Variants in ATP10B observed in about 807,000 individuals in gnomAD.
ATP10B encodes the protein ATPase phospholipid transporting 10B (putative), also known as phospholipid-transporting ATPase VB.
In ATP10B, 122 loss-of-function variants were observed where a neutral mutation model predicts 141.2. The observed-to-expected ratio is 0.86, with a 90% CI of 0.75 to 1.00. The LOEUF (loss-of-function observed/expected upper bound fraction) is 1.00, where lower values mean the gene tolerates loss of function less well. Ranked by LOEUF, ATP10B falls within the 50% of genes least tolerant of loss-of-function variation. The probability of loss-of-function intolerance (pLI) is 0.00; values close to 1 mark genes in which losing one functional copy is unlikely to be tolerated. For synonymous variants in ATP10B, 685 were observed against 692.0 expected (o/e 0.99, Z 0.16); for missense variants, 1,876 against 1,825.3 (o/e 1.03, Z -0.51).
At chr5:160,645,510 C>A (rs1760215553) in intron 8 of ATP10B, among the ~76,000 whole-genome samples, 1 of 152,168 alleles carries the variant, frequency 6.6e-6, no homozygotes, top group African/African-American at 2.4e-5. Context: ...CAGGAGTGGC[C>A]CTTTGCCCAA....
intron 2 of ATP10B, among the ~76,000 whole-genome samples, chr5:160,725,397 G>A (rs1355285545): frequency 6.6e-6 from 1 of 151,966 alleles, no homozygotes; most frequent in East Asian, 1.9e-4. Context: ...GGCAGTGCAT[G>A]AATGTTTCAT....
chr5:160,707,568 G>T (rs559733570), intron 3 of ATP10B, among the ~76,000 whole-genome samples: 2 of 152,158 alleles, frequency 1.3e-5, no homozygotes, highest in East Asian at 1.9e-4. Flanking sequence ...TGTAATATGC[G>T]CATGTTATGT....
At chr5:160,781,124 T>G (rs140854679) in intron 2 of ATP10B, among the ~76,000 whole-genome samples, 3 of 152,254 alleles carry the variant, frequency 2.0e-5, no homozygotes, top group East Asian at 1.9e-4. Flanking sequence ...CTCTCGAAAA[T>G]AAGAAGAAAT....
At chr5:160,913,259 T>C in the ATP10B span, among the ~76,000 whole-genome samples, 1 of 152,200 alleles carries the variant, frequency 6.6e-6, no homozygotes, top group Non-Finnish European at 1.5e-5. Flanking sequence ...TGAAACTCAG[T>C]AGGACCGGCT....
chr5:160,901,227 TTTC>T, the ATP10B span, among the ~76,000 whole-genome samples: 19 of 152,128 alleles, frequency 1.2e-4, no homozygotes, highest in Non-Finnish European at 5.9e-5. Flanking sequence ...CACTACCTCT[TTTC>T]TTCTTCTTCT....
chr5:160,883,624 C>T, the ATP10B span, among the ~76,000 whole-genome samples: 2 of 152,026 alleles, frequency 1.3e-5, no homozygotes, highest in South Asian at 2.1e-4. Context: ...CTTAGTTTAT[C>T]ACGTTTATAA....
chr5:160,729,598 A>G (rs1311538035), intron 2 of ATP10B, among the ~76,000 whole-genome samples: 2 of 152,230 alleles, frequency 1.3e-5, no homozygotes, highest in African/African-American at 4.8e-5. Flanking sequence ...TGAATTCAGG[A>G]GGTGACAACG....
chr5:160,717,130 T>C, intron 2 of ATP10B, 96 bp from the exon 3 acceptor site: 1 of 832,606 alleles, frequency 1.2e-6, no homozygotes, highest in Non-Finnish European at 1.4e-6. Context: ...ATATTCTTTA[T>C]GTGAAACTAT....
In ATP10B at chr5:160,642,345, G is replaced by T. The variant is rs1050399509; in HGVS notation, c.869-1753C>A. 2.0e-5 allele frequency among the ~76,000 whole-genome samples: 3 copies of T among 152,160 alleles called. No individual in the cohort carries two copies. The South Asian group carries it at 6.2e-4, about 32-fold the overall frequency. ...TGTGAGGAGCACACACCTCTACATT[G>T]GACCTCTTTCTTCTGTAAATCTCAC... On this transcript the variant is annotated intron_variant, in intron 9 of 25. Coordinates refer to ENST00000327245, the MANE Select transcript of ATP10B (RefSeq NM_025153.3).
chr5:160,617,733 G>A, intron 16 of ATP10B, 131 bp downstream of exon 16: 2 of 810,004 alleles, frequency 2.5e-6, no homozygotes, highest in South Asian at 1.8e-5. Flanking sequence ...TTTGTGGCAA[G>A]TCAGAACAGC....
intron 2 of ATP10B, among the ~76,000 whole-genome samples, chr5:160,780,727 A>C (rs1253746818): frequency 6.6e-6 from 1 of 152,164 alleles, no homozygotes; most frequent in Non-Finnish European, 1.5e-5. Context: ...ATTGTTTAGA[A>C]TTCATGATCT....
At chr5:160,895,959 T>C in the ATP10B span, among the ~76,000 whole-genome samples, 2 of 152,030 alleles carry the variant, frequency 1.3e-5, no homozygotes, top group African/African-American at 2.4e-5. Flanking sequence ...AGTTAAATAA[T>C]GAAATGAAGG....
intron 7 of ATP10B, among the ~76,000 whole-genome samples, chr5:160,653,554 A>G (rs1311913646): frequency 7.5e-6 from 1 of 132,538 alleles, no homozygotes; most frequent in Non-Finnish European, 1.6e-5. Flanking sequence ...ACATACATAT[A>G]TACATATATA....
At chr5:160,566,677 G>A (rs1051129518) in intron 25 of ATP10B, among the ~76,000 whole-genome samples, 33 of 152,248 alleles carry the variant, frequency 2.2e-4, no homozygotes, top group African/African-American at 7.7e-4. Context: ...TCAAAGTGTA[G>A]GCAAGGAAAG....
intron 1 of ATP10B, among the ~76,000 whole-genome samples, chr5:160,823,001 C>CATATATATATATATATATAT (rs60078265): frequency 5.8e-5 from 2 of 34,488 alleles, no homozygotes; most frequent in African/African-American, 9.3e-5. Context: ...TATATATATA[C>CATATATATATATATATATAT]ATATATATAT....
intron 1 of ATP10B, among the ~76,000 whole-genome samples, chr5:160,800,803 T>A (rs1259599185): frequency 2.0e-5 from 3 of 152,204 alleles, no homozygotes; most frequent in Non-Finnish European, 4.4e-5. Flanking sequence ...TTGGGAAGAA[T>A]GACATCAGCT....
In ATP10B at chr5:160,598,443, C is replaced by T. The variant is rs548998782; in HGVS notation, c.3564+327G>A. The stretch of plus-strand genomic sequence containing the variant: ...AGGAGATATACCTAATGCTAAATGA[C>T]GAGTTAATGGGTGCAGCACACCAGC... On this transcript the variant is annotated intron_variant, in intron 22 of 25. Coordinates refer to ENST00000327245, the MANE Select transcript of ATP10B (RefSeq NM_025153.3). Among the ~76,000 whole-genome samples the T allele has an allele frequency of 3.9e-3, 599 of 151,724 alleles. 2 individuals carry two copies. The highest frequency in any genetic ancestry group is 6.0e-3 in the Non-Finnish European group (409 of 67,948).
At chr5:160,843,609 TGATA>T (rs1472923661) in intron 1 of ATP10B, among the ~76,000 whole-genome samples, 3 of 151,898 alleles carry the variant, frequency 2.0e-5, no homozygotes, top group African/African-American at 7.3e-5. Context: ...AAAAAAAATC[TGATA>T]GAGATTTCCC....
At position 160,644,250 on chromosome 5, in the gene ATP10B, G is replaced by A. The variant is rs1170636559; in HGVS notation, c.762-6C>T. On this transcript the variant is annotated splice_polypyrimidine_tract_variant and splice_region_variant and intron_variant, in intron 8 of 25. Coordinates refer to ENST00000327245, the MANE Select transcript of ATP10B (RefSeq NM_025153.3). ...TGGTCTGGTCAGGATGCTCCCTGGG[G>A]ATGATGAATAAAAGACAGGGGGTGG... 1.2e-6 allele frequency: 2 copies of A among 1,610,016 alleles called. No homozygotes were observed. The highest frequency in any genetic ancestry group is 1.7e-6 in the Non-Finnish European group (2 of 1,176,376).
Sources: allele counts gnomAD v4.1 joint callset (sites outside exome capture counted in the v4.1 genomes callset), GRCh38; gene constraint gnomAD v4.1.1; transcripts MANE v1.5; gene names NCBI Gene and HGNC (gene_info 2026-07-23, HGNC 2026-07-21).